CACNA1E: variants seen among roughly 807,000 people sequenced by gnomAD.
The protein encoded by CACNA1E is calcium voltage-gated channel subunit alpha1 E, also known as voltage-dependent R-type calcium channel subunit alpha-1E.
CACNA1E carries 40 observed loss-of-function variants against 259.2 expected under a neutral mutation model. The ratio of observed to expected loss-of-function variants is 0.15; its 90% CI spans 0.12 to 0.20. The LOEUF (loss-of-function observed/expected upper bound fraction) is 0.20, where lower values mean the gene tolerates loss of function less well. Among genes scored for constraint, CACNA1E ranks in the 10% least tolerant of loss-of-function variants. The probability of loss-of-function intolerance (pLI) is 1.00; values close to 1 mark genes in which losing one functional copy is unlikely to be tolerated. For missense variants in CACNA1E, 1,874 were observed against 3,040.1 expected, an observed-to-expected ratio of 0.62 and a Z score of 9.02; for synonymous variants, 1,104 against 1,138.5, an observed-to-expected ratio of 0.97 and a Z score of 0.61.
rs544198077 is a variant in CACNA1E, at chr1:181,655,157, T to A, written c.1055+3716T>A. ...CATTTTGAATGTATTATAATTTTTTTAAATTTTTATTTTACTTTAATGATA... is the reference window on the plus strand; with the variant it reads ...CATTTTGAATGTATTATAATTTTTTAAAATTTTTATTTTACTTTAATGATA... On this transcript the variant is annotated intron_variant, in intron 7 of 47. Coordinates refer to ENST00000367573, the MANE Select transcript of CACNA1E (RefSeq NM_001205293.3). 6.9e-4 allele frequency among the ~76,000 whole-genome samples: 105 copies of A among 152,244 alleles called. 1 individual carries two copies. Among genetic ancestry groups the A allele is most frequent in the African/African-American group, 2.0e-3 (84 of 41,574 alleles).
chr1:181,655,315 A>T (rs1659120845), intron 7 of CACNA1E, among the ~76,000 whole-genome samples: 1 of 152,218 alleles, frequency 6.6e-6, no homozygotes, highest in African/African-American at 2.4e-5. Context: ...AATCATCATG[A>T]AATTTCAGAA....
chr1:181,350,505 CT>C (rs1454505058), intron 1 of CACNA1E, among the ~76,000 whole-genome samples: 1 of 152,214 alleles, frequency 6.6e-6, no homozygotes, highest in Non-Finnish European at 1.5e-5. Context: ...TGTCAGCTGG[CT>C]CCACGTCTCC....
chr1:181,675,652 A>C (rs1649295588), intron 7 of CACNA1E, among the ~76,000 whole-genome samples: 1 of 152,196 alleles, frequency 6.6e-6, no homozygotes, highest in Non-Finnish European at 1.5e-5. Flanking sequence ...GGAAAGAATT[A>C]AAATAATAAA....
At chr1:181,716,304 A>C (rs1179173290) in intron 10 of CACNA1E, among the ~76,000 whole-genome samples, 175 bp downstream of exon 10, 2 of 151,924 alleles carry the variant, frequency 1.3e-5, no homozygotes, top group Non-Finnish European at 2.9e-5. Context: ...TTTAAAAAAA[A>C]AAAAAAAAGG....
chr1:181,683,198 C>T (rs1572587415), intron 7 of CACNA1E, among the ~76,000 whole-genome samples: 1 of 152,212 alleles, frequency 6.6e-6, no homozygotes, highest in African/African-American at 2.4e-5. Context: ...ATTTTCCAGT[C>T]TAGCAAGTGG....
upstream of CACNA1E, among the ~76,000 whole-genome samples, chr1:181,482,851 C>T (rs904674719): frequency 1.3e-5 from 2 of 152,272 alleles, no homozygotes; most frequent in African/African-American, 4.8e-5. Flanking sequence ...CTCTCGGCGG[C>T]GCAGCCGCGG....
chr1:181,632,588 C>A (rs78514556), intron 6 of CACNA1E, among the ~76,000 whole-genome samples: 8,395 of 152,216 alleles, frequency 0.055, 339 homozygotes, highest in Middle Eastern at 0.15. Context: ...CCATATATAA[C>A]CCACTTCCTG....
intron 28 of CACNA1E, 34 bp downstream of exon 28, chr1:181,755,431 C>CTGAA (rs1558350233): frequency 6.3e-7 from 1 of 1,586,968 alleles, no homozygotes; most frequent in Non-Finnish European, 8.6e-7. Flanking sequence ...CTTGATTTTG[C>CTGAA]TGAAGCATGT....
chr1:181,559,855 G>C (rs1402885193), intron 3 of CACNA1E, among the ~76,000 whole-genome samples: 1 of 152,144 alleles, frequency 6.6e-6, no homozygotes, highest in Non-Finnish European at 1.5e-5. Context: ...AAAAGTTGAG[G>C]AAACAGGAGA....
intron 3 of CACNA1E, among the ~76,000 whole-genome samples, chr1:181,556,839 A>G (rs1454556947): frequency 2.0e-5 from 3 of 152,200 alleles, no homozygotes; most frequent in Admixed American, 1.3e-4. Flanking sequence ...CTGCTGCTAC[A>G]AAGAGGTGTG....
At position 181,664,692 on chromosome 1, in the gene CACNA1E, G is replaced by C. The variant is rs12239857; in HGVS notation, c.1055+13251G>C. 8.7e-3 allele frequency among the ~76,000 whole-genome samples: 1,328 copies of C among 152,156 alleles called. 21 individuals carry two copies. Among genetic ancestry groups the C allele is most frequent in the African/African-American group, 0.03 (1,241 of 41,494 alleles). On this transcript the variant is annotated intron_variant, in intron 7 of 47. Coordinates refer to ENST00000367573, the MANE Select transcript of CACNA1E (RefSeq NM_001205293.3). ...ACCTTGAGAAGCAGAGGCAGTGTCA[G>C]GATAGGTGGTTCTGGGGGCTCAGCC...
At chr1:181,735,461 G>A (rs573470133) in intron 21 of CACNA1E, among the ~76,000 whole-genome samples, 10 of 152,288 alleles carry the variant, frequency 6.6e-5, no homozygotes, top group African/African-American at 2.4e-4. Flanking sequence ...CATTCAATGA[G>A]CAGGGAGCAG....
intron 1 of CACNA1E, among the ~76,000 whole-genome samples, chr1:181,412,519 G>A (rs186754236): frequency 1.6e-4 from 24 of 152,094 alleles, no homozygotes; most frequent in African/African-American, 5.1e-4. Context: ...GCAGTGAGCC[G>A]TGATTGCACC....
chr1:181,726,263 C>G (rs1654901765), intron 18 of CACNA1E, 101 bp downstream of exon 18: 1 of 799,670 alleles, frequency 1.3e-6, no homozygotes, highest in African/African-American at 1.7e-5. Context: ...CTACTACATG[C>G]TGGGAACTGT....
chr1:181,595,380 A>G (rs2103039720), intron 6 of CACNA1E, among the ~76,000 whole-genome samples: 1 of 152,306 alleles, frequency 6.6e-6, no homozygotes, highest in South Asian at 2.1e-4. Flanking sequence ...CACCCAGGTG[A>G]TCACACCTCC....
At chr1:181,448,599 A>T (rs909309647) in intron 2 of CACNA1E, among the ~76,000 whole-genome samples, 5 of 152,228 alleles carry the variant, frequency 3.3e-5, no homozygotes, top group African/African-American at 1.2e-4. Context: ...ACGTAGATAG[A>T]TTACTCATTT....
chr1:181,505,948 G>A (rs1665674786), intron 1 of CACNA1E, among the ~76,000 whole-genome samples: 1 of 152,204 alleles, frequency 6.6e-6, no homozygotes, highest in African/African-American at 2.4e-5. Flanking sequence ...GCAAGGTCCT[G>A]CCCTGGGGCT....
At chr1:181,703,575 TCAAA>T (rs1200017203) in intron 7 of CACNA1E, among the ~76,000 whole-genome samples, 1 of 152,138 alleles carries the variant, frequency 6.6e-6, no homozygotes, top group Non-Finnish European at 1.5e-5. Context: ...CTGTGTCTAC[TCAAA>T]CAAATAAATG....
intron 2 of CACNA1E, among the ~76,000 whole-genome samples, chr1:181,432,425 A>G (rs1372538436): frequency 6.6e-6 from 1 of 152,182 alleles, no homozygotes; most frequent in Non-Finnish European, 1.5e-5. Context: ...CATGTACCCT[A>G]AAACTTAAAG....
Sources: gnomAD v4.1 joint callset for allele counts (sites outside exome capture counted in the v4.1 genomes callset) on GRCh38, gnomAD v4.1.1 for gene constraint, MANE v1.5 for transcripts, NCBI Gene and HGNC (gene_info 2026-07-23, HGNC 2026-07-21) for gene names.